The following CBLN2 variants were observed in gnomAD, a reference collection of about 807,000 sequenced individuals.
CBLN2 encodes the protein cerebellin-2.
In CBLN2, 7 loss-of-function variants were observed where a neutral mutation model predicts 15.0. That is an observed-to-expected ratio of 0.47 (90% CI 0.27 to 0.88). The LOEUF (loss-of-function observed/expected upper bound fraction) is 0.88, where lower values mean the gene tolerates loss of function less well. Among genes scored for constraint, CBLN2 ranks in the 40% least tolerant of loss-of-function variants. The pLI, the probability that CBLN2 is intolerant of heterozygous loss-of-function variation, is 0.14. For missense variants in CBLN2, 242 were observed against 304.5 expected, an observed-to-expected ratio of 0.79 and a Z score of 1.53; for synonymous variants, 149 against 135.2, an observed-to-expected ratio of 1.10 and a Z score of -0.71.
At chr18:72,608,333 C>T (rs1204885992) in intron 1 of CBLN2, among the ~76,000 whole-genome samples, 1 of 152,134 alleles carries the variant, frequency 6.6e-6, no homozygotes, top group African/African-American at 2.4e-5. Flanking sequence ...TCTTTTCATA[C>T]TTTCCCTCCC....
chr18:72,559,441 C>A (rs571055765), intron 1 of CBLN2, among the ~76,000 whole-genome samples: 2 of 152,132 alleles, frequency 1.3e-5, no homozygotes, highest in South Asian at 4.1e-4. Flanking sequence ...ATCCAAGTCG[C>A]GCCATTTTGG....
At chr18:72,590,285 CA>C (rs767892031) in intron 1 of CBLN2, among the ~76,000 whole-genome samples, 1,557 of 135,992 alleles carry the variant, frequency 0.011, 27 homozygotes, top group African/African-American at 0.035. Flanking sequence ...AAAACAAAAA[CA>C]AAAAAAAAAA....
intron 1 of CBLN2, among the ~76,000 whole-genome samples, chr18:72,561,398 G>C (rs17086174): frequency 0.063 from 9,600 of 152,198 alleles, 303 homozygotes; most frequent in East Asian, 0.095. Context: ...AACCCTGTTA[G>C]TTTTAGGGCC....
At position 72,542,017 on chromosome 18, in the gene CBLN2, G is replaced by T. The variant is rs759918734; in HGVS notation, c.144C>A (p.Pro48=). 1.3e-6 allele frequency: 2 copies of T among 1,596,806 alleles called. No homozygotes were observed. The highest frequency in any genetic ancestry group is 1.7e-6 in the Non-Finnish European group (2 of 1,177,704). The change falls in exon 3 of 5, where the codon CCC becomes CCA. Residue 48 remains proline, a synonymous_variant. Coordinates refer to ENST00000269503, the MANE Select transcript of CBLN2 (RefSeq NM_182511.4). ...LLLLLLPACC[P]VRAQNDTEPI... is the part of the protein sequence containing the mutation. ...GCTCCGTGTCGTTCTGCGCCCGCAC[G>T]GGGCAGCAGGCGGGCAGTAGCAGCA...
intron 1 of CBLN2, among the ~76,000 whole-genome samples, chr18:72,603,277 T>A (rs1418646485): frequency 6.6e-6 from 1 of 152,246 alleles, no homozygotes; most frequent in East Asian, 1.9e-4. Flanking sequence ...ATCTTTTCAA[T>A]GGTATGGGAC....
chr18:72,542,250 G>A lies in CBLN2; in HGVS notation c.-90C>T, dbSNP rs544059169. The A allele has an allele frequency of 6.2e-5, 54 of 873,224 alleles. No individual in the cohort carries two copies. In the East Asian group the frequency reaches 2.9e-3, roughly 47 times the overall value. The allele number at this position is 873,224 out of a possible 1,614,324, so 54.1% of individuals were successfully genotyped here. On this transcript the variant is annotated 5_prime_UTR_variant, in exon 3 of 5. Coordinates refer to ENST00000269503, the MANE Select transcript of CBLN2 (RefSeq NM_182511.4). The stretch of plus-strand genomic sequence containing the variant: ...CGCGAAGGAACGCGCGGAGCTCGCA[G>A]CAGCCTCCGGGGGCCTTCGTCCCCG...
At chr18:72,574,268 A>G (rs1367123783) in intron 1 of CBLN2, among the ~76,000 whole-genome samples, 1 of 152,178 alleles carries the variant, frequency 6.6e-6, no homozygotes. Flanking sequence ...TTCTCAGATC[A>G]GAATTTTTTA....
Position 72,592,440 on chromosome 18 carries a change from A to G in CBLN2, c.15+45885T>C, listed in dbSNP as rs550807950. 3.3e-5 allele frequency among the ~76,000 whole-genome samples: 5 copies of G among 152,018 alleles called. No individual in the cohort carries two copies. In the East Asian group the frequency reaches 7.7e-4, roughly 24 times the overall value. ...GAATAGTTTGCAATTATTTTCTCCCATTCTGTGAGTTGTCTGTTGATTGTT... is the reference window on the plus strand; with the variant it reads ...GAATAGTTTGCAATTATTTTCTCCCGTTCTGTGAGTTGTCTGTTGATTGTT... On this transcript the variant is annotated intron_variant, in intron 1 of 2. Transcript: ENST00000581073.
At chr18:72,614,047 T>A (rs749672564) in intron 1 of CBLN2, among the ~76,000 whole-genome samples, 19 of 152,182 alleles carry the variant, frequency 1.2e-4, no homozygotes, top group South Asian at 4.1e-4. Context: ...AGATCATGTT[T>A]TCTCTGTTAC....
intron 1 of CBLN2, among the ~76,000 whole-genome samples, chr18:72,638,026 G>A (rs955355133): frequency 5.3e-5 from 8 of 152,276 alleles, no homozygotes; most frequent in Admixed American, 1.3e-4. Flanking sequence ...AAGCTTGGAG[G>A]GGTTGTGGAA....
At chr18:72,595,272 AT>A (rs1046227625) in intron 1 of CBLN2, among the ~76,000 whole-genome samples, 36 of 151,520 alleles carry the variant, frequency 2.4e-4, no homozygotes, top group African/African-American at 6.8e-4. Flanking sequence ...TTCTGTCTTA[AT>A]TTTTTTATTG....
intron 1 of CBLN2, among the ~76,000 whole-genome samples, chr18:72,553,458 T>TGATAGATAGATA (rs5826203): frequency 1.4e-3 from 207 of 148,912 alleles, no homozygotes; most frequent in South Asian, 3.7e-3. Flanking sequence ...TAACAATTTG[T>TGATAGATAGATA]GATAGATAGA....
intron 1 of CBLN2, among the ~76,000 whole-genome samples, chr18:72,583,955 A>C (rs2069423961): frequency 6.6e-6 from 1 of 152,186 alleles, no homozygotes; most frequent in African/African-American, 2.4e-5. Context: ...AACTCCTTGA[A>C]TACATTTTCT....
rs746357871 is a variant in CBLN2, at chr18:72,542,083, G to T, written c.78C>A (p.Gly26=). The T allele has an allele frequency of 9.8e-6, 15 of 1,531,216 alleles. No individual in the cohort carries two copies. Among genetic ancestry groups the T allele is most frequent in the Non-Finnish European group, 1.1e-5 (13 of 1,151,518 alleles). 94.9% of individuals were successfully genotyped at this position (1,531,216 alleles called of 1,614,324 possible). A position where few individuals can be genotyped will look rare whatever the true frequency, so the allele number is the denominator to read the frequency against. ...PGRRGALREP[G]GCGSCLGVAL... is the part of the protein sequence containing the mutation. Reference sequence around the variant, plus strand: ...CCACCCCCAGGCAGGATCCGCAGCCGCCCGGCTCGCGCAGCGCCCCCCGGC... The same window carrying T: ...CCACCCCCAGGCAGGATCCGCAGCCTCCCGGCTCGCGCAGCGCCCCCCGGC... The change falls in exon 3 of 5, where the codon GGC becomes GGA. Residue 26 remains glycine, a synonymous_variant. Transcript: ENST00000269503.
chr18:72,603,034 A>G (rs2069559425), intron 1 of CBLN2, among the ~76,000 whole-genome samples: 1 of 152,354 alleles, frequency 6.6e-6, no homozygotes, highest in African/African-American at 2.4e-5. Context: ...GTAAAAAACC[A>G]GCATATGAAA....
At chr18:72,633,835 G>A (rs1398140977) in intron 1 of CBLN2, among the ~76,000 whole-genome samples, 1 of 152,002 alleles carries the variant, frequency 6.6e-6, no homozygotes, top group African/African-American at 2.4e-5. Flanking sequence ...TAAAATCATA[G>A]ATTAATAAAT....
At position 72,543,311 on chromosome 18, in the gene CBLN2, G is replaced by T; in HGVS notation, c.-167+175C>A. ...TTAACTCTTCCAGTATTCTTTCTAA[G>T]AACAGAGAAGTTGGCTCTTGATAAA... On this transcript the variant is annotated intron_variant, in intron 2 of 4. Coordinates refer to ENST00000269503, the MANE Select transcript of CBLN2 (RefSeq NM_182511.4). The surrounding 1 kb of genome is among the most constrained non-coding windows in gnomAD (Gnocchi z 6.8). 1 of 382,030 alleles carries T rather than the reference G, an allele frequency of 2.6e-6. No homozygotes were observed. The highest frequency in any genetic ancestry group is 1.4e-4 in the South Asian group (1 of 7,042). 23.7% of individuals were successfully genotyped at this position (382,030 alleles called of 1,614,324 possible). A position where few individuals can be genotyped will look rare whatever the true frequency, so the allele number is the denominator to read the frequency against.
At chr18:72,594,148 G>A (rs2069498166) in intron 1 of CBLN2, among the ~76,000 whole-genome samples, 1 of 152,090 alleles carries the variant, frequency 6.6e-6, no homozygotes, top group Non-Finnish European at 1.5e-5. Context: ...GAAGGGCTAG[G>A]GGAGGGATAA....
At chr18:72,628,553 A>G (rs2069755404) in intron 1 of CBLN2, among the ~76,000 whole-genome samples, 1 of 152,170 alleles carries the variant, frequency 6.6e-6, no homozygotes, top group Admixed American at 6.5e-5. Flanking sequence ...CCTCACAGTA[A>G]TCAGGTAATG....
Sources: gnomAD v4.1 joint callset for allele counts (sites outside exome capture counted in the v4.1 genomes callset) on GRCh38, gnomAD v4.1.1 for gene constraint, Gnocchi (gnomAD v3.1) non-coding constraint, MANE v1.5 for transcripts, NCBI Gene and HGNC (gene_info 2026-07-23, HGNC 2026-07-21) for gene names.